Variants in MAPK10 observed in about 807,000 individuals in gnomAD.
The protein encoded by MAPK10 is JNK3 alpha protein kinase.
Under a neutral mutation model 59.3 loss-of-function variants are expected in MAPK10, and 25 were observed. The observed-to-expected ratio is 0.42, with a 90% CI of 0.31 to 0.59. The LOEUF (loss-of-function observed/expected upper bound fraction) is 0.59, where lower values mean the gene tolerates loss of function less well. Among genes scored for constraint, MAPK10 ranks in the 20% least tolerant of loss-of-function variants. The pLI is 0.15. For synonymous variants in MAPK10, 190 were observed against 200.5 expected (o/e 0.95, Z 0.44); for missense variants, 351 against 568.9 (o/e 0.62, Z 3.90).
chr4:86,285,177 C>A (rs1004395385), intron 2 of MAPK10, among the ~76,000 whole-genome samples: 1 of 151,916 alleles, frequency 6.6e-6, no homozygotes, highest in Non-Finnish European at 1.5e-5. Flanking sequence ...TGGAATCTTA[C>A]CTTTAAAGAC....
At chr4:86,456,282 G>A (rs547806323), upstream of MAPK10, among the ~76,000 whole-genome samples, 6 of 151,900 alleles carry the variant, frequency 3.9e-5, no homozygotes, top group East Asian at 5.8e-4. Context: ...ACTGAAACCC[G>A]GCAGAAGAAA....
At chr4:86,019,804 G>C (rs1352181538) in intron 13 of MAPK10, among the ~76,000 whole-genome samples, 1 of 152,112 alleles carries the variant, frequency 6.6e-6, no homozygotes, top group African/African-American at 2.4e-5. Context: ...GAGGGAAATT[G>C]CTTTTTTCTT....
intron 2 of MAPK10, among the ~76,000 whole-genome samples, chr4:86,212,578 G>T (rs952276013): frequency 6.6e-6 from 1 of 152,088 alleles, no homozygotes; most frequent in East Asian, 1.9e-4. Flanking sequence ...GAACAGGGAT[G>T]GTTATACTAA....
At chr4:86,113,154 T>C (rs878927052) in intron 4 of MAPK10, among the ~76,000 whole-genome samples, 2 of 152,202 alleles carry the variant, frequency 1.3e-5, no homozygotes, top group African/African-American at 4.8e-5. Flanking sequence ...CTGTTGGGTC[T>C]TGTCTTTTTA....
At chr4:86,188,725 T>C (rs903994952) in intron 3 of MAPK10, among the ~76,000 whole-genome samples, 1 of 152,242 alleles carries the variant, frequency 6.6e-6, no homozygotes, top group Admixed American at 6.5e-5. Context: ...TTTCTTTTGC[T>C]GTGCAGAAGC....
At chr4:86,495,415 G>A (rs779644247) in intron 1 of MAPK10, among the ~76,000 whole-genome samples, 3 of 152,086 alleles carry the variant, frequency 2.0e-5, no homozygotes, top group Non-Finnish European at 2.9e-5. Flanking sequence ...AGACTATTTT[G>A]AAGGAAATCC....
intron 3 of MAPK10, among the ~76,000 whole-genome samples, chr4:86,178,740 G>T (rs1480459378): frequency 6.6e-6 from 1 of 152,080 alleles, no homozygotes; most frequent in African/African-American, 2.4e-5. Flanking sequence ...AAGAAGTCAA[G>T]TTGTCCCTGT....
chr4:86,260,119 T>C (rs1205999167), intron 2 of MAPK10, among the ~76,000 whole-genome samples: 2 of 152,026 alleles, frequency 1.3e-5, no homozygotes, highest in African/African-American at 4.8e-5. Flanking sequence ...AGCACTATCA[T>C]TTTCCCCAGT....
intron 1 of MAPK10, among the ~76,000 whole-genome samples, chr4:86,420,766 G>C (rs1322397348): frequency 2.0e-5 from 3 of 152,016 alleles, no homozygotes; most frequent in Non-Finnish European, 2.9e-5. Context: ...TCCAGTCTGG[G>C]TGACAAAGTG....
intron 1 of MAPK10, among the ~76,000 whole-genome samples, chr4:86,484,778 A>G (rs936975190): frequency 1.3e-5 from 2 of 152,332 alleles, no homozygotes; most frequent in Middle Eastern, 3.4e-3. Context: ...AAATTAAGTT[A>G]CTTGCAGAAA....
intron 1 of MAPK10, among the ~76,000 whole-genome samples, chr4:86,510,826 C>G (rs182229953): frequency 6.4e-4 from 97 of 151,904 alleles, no homozygotes; most frequent in Middle Eastern, 3.4e-3. Context: ...TATACGAAAG[C>G]AAAAAAATTG....
intron 5 of MAPK10, among the ~76,000 whole-genome samples, chr4:86,104,020 A>C (rs1194612451): frequency 6.6e-6 from 1 of 152,064 alleles, no homozygotes; most frequent in African/African-American, 2.4e-5. Context: ...AATATATAAA[A>C]ATCTTATACT....
upstream of MAPK10, among the ~76,000 whole-genome samples, chr4:86,454,807 T>G (rs192071833): frequency 2.2e-3 from 338 of 152,182 alleles, no homozygotes; most frequent in Non-Finnish European, 3.4e-3. Context: ...GCAAAAAGGT[T>G]ATCACCTAGG....
At chr4:86,227,269 C>T (rs1298695528) in intron 2 of MAPK10, among the ~76,000 whole-genome samples, 2 of 152,128 alleles carry the variant, frequency 1.3e-5, no homozygotes, top group African/African-American at 2.4e-5. Flanking sequence ...AGGCAGATCA[C>T]GAGGTCAGGA....
intron 11 of MAPK10, among the ~76,000 whole-genome samples, chr4:86,052,093 T>A (rs899459862): frequency 6.6e-6 from 1 of 152,038 alleles, no homozygotes; most frequent in African/African-American, 2.4e-5. Context: ...ATGTTAATAG[T>A]TTTTTTAAAT....
chr4:86,068,794 T>A (rs2047206066), intron 9 of MAPK10, among the ~76,000 whole-genome samples: 1 of 152,158 alleles, frequency 6.6e-6, no homozygotes, highest in Non-Finnish European at 1.5e-5. Context: ...ACTCAATGAT[T>A]GAGATTCTCT....
At chr4:86,554,913 T>A (rs1760136949) in intron 1 of MAPK10, among the ~76,000 whole-genome samples, 2 of 152,190 alleles carry the variant, frequency 1.3e-5, no homozygotes, top group Admixed American at 1.3e-4. Flanking sequence ...CAAACCACAA[T>A]GAACTTCTCA....
intron 4 of MAPK10, among the ~76,000 whole-genome samples, chr4:86,111,815 T>G (rs1434266005): frequency 1.3e-5 from 2 of 152,174 alleles, no homozygotes; most frequent in African/African-American, 2.4e-5. Flanking sequence ...CCAGCTCCTC[T>G]TTGCCCCTCT....
At chr4:86,267,505 C>T (rs1469065670) in intron 2 of MAPK10, among the ~76,000 whole-genome samples, 1 of 152,124 alleles carries the variant, frequency 6.6e-6, no homozygotes, top group Non-Finnish European at 1.5e-5. Context: ...CCATTGGCTT[C>T]TCACCCTGAG....
Sources: gnomAD v4.1 joint callset for allele counts (sites outside exome capture counted in the v4.1 genomes callset) on GRCh38, gnomAD v4.1.1 for gene constraint, MANE v1.5 for transcripts, NCBI Gene and HGNC (gene_info 2026-07-23, HGNC 2026-07-21) for gene names.